CNTN5: variants seen among roughly 807,000 people sequenced by gnomAD.
CNTN5 encodes contactin-5.
In CNTN5, 77 loss-of-function variants were observed where a neutral mutation model predicts 129.1. The observed-to-expected ratio is 0.60, with a 90% CI of 0.50 to 0.72. The LOEUF is 0.72. CNTN5 is among the 30% of genes least tolerant of loss of function. CNTN5 has a pLI of 0.00. For missense variants in CNTN5, 1,478 were observed against 1,328.8 expected (o/e 1.11, Z -1.75); for synonymous variants, 509 against 465.6 (o/e 1.09, Z -1.20).
chr11:100,048,186 C>T (rs1352318052), intron 9 of CNTN5, among the ~76,000 whole-genome samples: 1 of 152,058 alleles, frequency 6.6e-6, no homozygotes, highest in Non-Finnish European at 1.5e-5. Context: ...CTGGGACATC[C>T]GTCTTCTCCT....
intron 1 of CNTN5, among the ~76,000 whole-genome samples, chr11:99,308,006 T>A (rs761431104): frequency 6.6e-6 from 1 of 152,228 alleles, no homozygotes; most frequent in Non-Finnish European, 1.5e-5. Context: ...AGGAATAATT[T>A]ATGATTCCTG....
At chr11:100,029,077 G>C (rs1355023576) in intron 9 of CNTN5, among the ~76,000 whole-genome samples, 2 of 151,746 alleles carry the variant, frequency 1.3e-5, no homozygotes, top group Admixed American at 6.6e-5. Context: ...GAGAGAGAGA[G>C]AGAATAAATA....
chr11:99,540,597 T>G (rs1948068242), intron 2 of CNTN5, among the ~76,000 whole-genome samples: 1 of 152,084 alleles, frequency 6.6e-6, no homozygotes, highest in Non-Finnish European at 1.5e-5. Flanking sequence ...TTCAAAGGCA[T>G]GAGACTTAAA....
intron 13 of CNTN5, among the ~76,000 whole-genome samples, chr11:100,093,344 T>C (rs1042833846): frequency 6.6e-6 from 1 of 152,150 alleles, no homozygotes; most frequent in Non-Finnish European, 1.5e-5. Flanking sequence ...CACTGTAATC[T>C]GGAACTCCTG....
At chr11:99,806,105 C>CT (rs977077837) in intron 3 of CNTN5, among the ~76,000 whole-genome samples, 5 of 152,156 alleles carry the variant, frequency 3.3e-5, no homozygotes, top group African/African-American at 1.2e-4. Context: ...TACAAGTGAA[C>CT]TTTTTTTTCT....
chr11:99,115,838 A>G (rs1052335359), intron 1 of CNTN5, among the ~76,000 whole-genome samples: 1 of 152,166 alleles, frequency 6.6e-6, no homozygotes, highest in Non-Finnish European at 1.5e-5. Context: ...GTGAGAAGCA[A>G]AGAAAGGAAG....
At chr11:99,094,686 C>T (rs991123052) in intron 1 of CNTN5, among the ~76,000 whole-genome samples, 3 of 151,848 alleles carry the variant, frequency 2.0e-5, no homozygotes, top group Non-Finnish European at 2.9e-5. Context: ...CTGTTTGTGT[C>T]AAATAGGCAT....
chr11:99,911,056 A>G (rs1220026691), intron 6 of CNTN5, among the ~76,000 whole-genome samples: 1 of 152,102 alleles, frequency 6.6e-6, no homozygotes, highest in African/African-American at 2.4e-5. Flanking sequence ...AAGCCAGCTC[A>G]GTTCCTTAAT....
intron 13 of CNTN5, among the ~76,000 whole-genome samples, chr11:100,140,267 CTG>C (rs1355566581): frequency 1.3e-5 from 2 of 152,104 alleles, no homozygotes; most frequent in African/African-American, 2.4e-5. Context: ...TTTTCTCCAG[CTG>C]TGTTTAACTG....
chr11:99,641,140 G>T (rs1015870277), intron 3 of CNTN5, among the ~76,000 whole-genome samples: 1 of 152,126 alleles, frequency 6.6e-6, no homozygotes, highest in Non-Finnish European at 1.5e-5. Flanking sequence ...GAGCTTGATC[G>T]GATAATCTTT....
intron 1 of CNTN5, among the ~76,000 whole-genome samples, chr11:99,197,688 G>A (rs763190207): frequency 7.2e-5 from 11 of 152,022 alleles, no homozygotes; most frequent in Non-Finnish European, 1.5e-4. Flanking sequence ...ACATGCTTGT[G>A]TTTCCTATAC....
chr11:100,263,893 C>T (rs1352821499), intron 17 of CNTN5, among the ~76,000 whole-genome samples: 2 of 152,022 alleles, frequency 1.3e-5, no homozygotes, highest in Non-Finnish European at 2.9e-5. Flanking sequence ...GAGAGGTTTT[C>T]CTTGTGGATA....
intron 1 of CNTN5, among the ~76,000 whole-genome samples, chr11:99,310,657 T>C (rs1020868): frequency 0.46 from 69,902 of 151,982 alleles, 16,248 homozygotes; most frequent in East Asian, 0.67. Context: ...TTGAGAAGTA[T>C]TTTTGTGATA....
At chr11:99,682,238 T>A (rs1251195676) in intron 3 of CNTN5, among the ~76,000 whole-genome samples, 1 of 151,920 alleles carries the variant, frequency 6.6e-6, no homozygotes, top group African/African-American at 2.4e-5. Context: ...AGGATATGAG[T>A]GGGTGAACAA....
At chr11:99,107,162 A>G (rs1245144151) in intron 1 of CNTN5, among the ~76,000 whole-genome samples, 1 of 152,152 alleles carries the variant, frequency 6.6e-6, no homozygotes, top group Non-Finnish European at 1.5e-5. Context: ...GGAAAACTGG[A>G]AAATGATGCC....
At chr11:99,260,709 G>T (rs943520639) in intron 1 of CNTN5, among the ~76,000 whole-genome samples, 20 of 151,786 alleles carry the variant, frequency 1.3e-4, no homozygotes, top group African/African-American at 4.1e-4. Flanking sequence ...ATTATTGGAT[G>T]GTTATCAAGG....
chr11:99,551,910 CTT>C (rs1334801874), intron 2 of CNTN5, among the ~76,000 whole-genome samples: 21 of 139,832 alleles, frequency 1.5e-4, no homozygotes, highest in Admixed American at 2.9e-4. Context: ...TGAGTTTTTT[CTT>C]TTTTTTTTTT....
chr11:100,268,902 C>A (rs1950356489), intron 17 of CNTN5, among the ~76,000 whole-genome samples: 1 of 152,108 alleles, frequency 6.6e-6, no homozygotes, highest in Non-Finnish European at 1.5e-5. Flanking sequence ...CCGCAGAAAT[C>A]TATTCAAATA....
chr11:100,342,611 C>A (rs912814108), intron 23 of CNTN5, among the ~76,000 whole-genome samples: 2 of 152,084 alleles, frequency 1.3e-5, no homozygotes, highest in African/African-American at 4.8e-5. Flanking sequence ...ACATTTGACA[C>A]CTCTTTCCCA....
Sources: allele counts gnomAD v4.1 joint callset (sites outside exome capture counted in the v4.1 genomes callset), GRCh38; gene constraint gnomAD v4.1.1; transcripts MANE v1.5; gene names NCBI Gene and HGNC (gene_info 2026-07-23, HGNC 2026-07-21).